Variants in SYNDIG1L observed in about 807,000 individuals in gnomAD.
SYNDIG1L encodes synapse differentiation-inducing gene protein 1-like.
SYNDIG1L carries 13 observed loss-of-function variants against 20.1 expected under a neutral mutation model. That is an observed-to-expected ratio of 0.65 (90% confidence interval 0.42 to 1.03). SYNDIG1L has a LOEUF of 1.03. Ranked by LOEUF, SYNDIG1L falls within the 50% of genes least tolerant of loss-of-function variation. SYNDIG1L has a pLI of 0.00. For synonymous variants in SYNDIG1L, 128 were observed against 129.3 expected (o/e 0.99, Z 0.07); for missense variants, 294 against 305.1 (o/e 0.96, Z 0.27).
intron 1 of SYNDIG1L, among the ~76,000 whole-genome samples, chr14:74,425,190 AAG>A (rs2086255003): frequency 6.8e-6 from 1 of 146,012 alleles, no homozygotes; most frequent in Non-Finnish European, 1.5e-5. Flanking sequence ...TCTTGCCAGA[AAG>A]AGAGAGAACT....
the SYNDIG1L span, chr14:74,476,573 G>A: frequency 1.3e-6 from 2 of 1,535,682 alleles, no homozygotes; most frequent in Non-Finnish European, 1.7e-6. Context: ...GCAGTGAGCA[G>A]AGAACAGGCA....
chr14:74,476,182 G>A, the SYNDIG1L span: 1 of 521,854 alleles, frequency 1.9e-6, no homozygotes, highest in Non-Finnish European at 3.4e-6. Context: ...AGAGGCATAT[G>A]GATGGTTGAG....
chr14:74,435,180 C>T, the SYNDIG1L span, among the ~76,000 whole-genome samples: 40 of 151,628 alleles, frequency 2.6e-4, no homozygotes, highest in Non-Finnish European at 5.7e-4. Flanking sequence ...CCTCCATCCT[C>T]AAGGCTCCAG....
chr14:74,407,498 G>A lies in SYNDIG1L; in HGVS notation c.*37C>T. On this transcript the variant is annotated 3_prime_UTR_variant, in exon 4 of 4. Coordinates refer to ENST00000331628, the MANE Select transcript of SYNDIG1L (RefSeq NM_001105579.2). Reference sequence around the variant, plus strand: ...ACTCCAAGCCCCACTGCTTCCTCAGGTGGGCAGGGGAGTCAGGATGCAGGC... The same window carrying A: ...ACTCCAAGCCCCACTGCTTCCTCAGATGGGCAGGGGAGTCAGGATGCAGGC... 1.2e-6 allele frequency: 2 copies of A among 1,611,678 alleles called. No individual in the cohort carries two copies. Among genetic ancestry groups the A allele is most frequent in the Non-Finnish European group, 1.7e-6 (2 of 1,179,684 alleles).
At chr14:74,434,793 G>A in the SYNDIG1L span, among the ~76,000 whole-genome samples, 8 of 152,004 alleles carry the variant, frequency 5.3e-5, no homozygotes, top group African/African-American at 1.9e-4. Context: ...TCTAGGGGAA[G>A]CTGGCAGGCT....
chr14:74,432,802 C>A, the SYNDIG1L span, among the ~76,000 whole-genome samples: 1 of 151,504 alleles, frequency 6.6e-6, no homozygotes, highest in South Asian at 2.1e-4. Context: ...TGCAGTGAGT[C>A]GAGATTGCAC....
At chr14:74,453,352 CAAAAAAAAAAAAAAAAAAAAAAAAA>C in the SYNDIG1L span, among the ~76,000 whole-genome samples, 1 of 26,760 alleles carries the variant, frequency 3.7e-5, no homozygotes, top group East Asian at 2.3e-3. Context: ...GACTCTGTCT[CAAAAAAAAAAAAAAAAAAAAAAAAA>C]AAAAAAAAAA....
At chr14:74,418,919 C>G (rs2086199081) in intron 1 of SYNDIG1L, among the ~76,000 whole-genome samples, 1 of 152,200 alleles carries the variant, frequency 6.6e-6, no homozygotes. Context: ...GATCACATAG[C>G]TAAACCCTGC....
chr14:74,469,027 A>G, the SYNDIG1L span, among the ~76,000 whole-genome samples: 1 of 152,036 alleles, frequency 6.6e-6, no homozygotes, highest in Non-Finnish European at 1.5e-5. Context: ...CTTGGGGGTC[A>G]TCCTTCCCAA....
chr14:74,432,184 A>AGG, the SYNDIG1L span, among the ~76,000 whole-genome samples: 2 of 99,322 alleles, frequency 2.0e-5, no homozygotes, highest in Admixed American at 9.6e-5. Context: ...TGTGTGTGAG[A>AGG]GAGAGAGAGA....
At chr14:74,440,577 CG>C in the SYNDIG1L span, among the ~76,000 whole-genome samples, 2 of 139,944 alleles carry the variant, frequency 1.4e-5, no homozygotes, top group Non-Finnish European at 3.0e-5. Context: ...CCCAGCTACT[CG>C]GGAGGCTAAG....
chr14:74,441,322 C>T, the SYNDIG1L span, among the ~76,000 whole-genome samples: 1 of 152,158 alleles, frequency 6.6e-6, no homozygotes, highest in Non-Finnish European at 1.5e-5. Context: ...CTGCTTTTGA[C>T]AGATTGAACT....
the SYNDIG1L span, chr14:74,476,389 C>A: frequency 1.3e-6 from 1 of 782,570 alleles, no homozygotes; most frequent in Non-Finnish European, 2.2e-6. Context: ...TGCCTGCTGG[C>A]TGCTTATCTG....
Position 74,407,425 on chromosome 14 carries a change from C to G in SYNDIG1L, c.*110G>C. The G allele has an allele frequency of 6.7e-7, 1 of 1,486,186 alleles. No homozygotes were observed. The highest frequency in any genetic ancestry group is 9.1e-7 in the Non-Finnish European group (1 of 1,094,764). The allele number at this position is 1,486,186 out of a possible 1,614,324, so 92.1% of individuals were successfully genotyped here. On this transcript the variant is annotated 3_prime_UTR_variant, in exon 4 of 4. Transcript: ENST00000331628. ...TGGGGGTCTCCCCCTCAGCAAGCCA[C>G]TCTCACGGGATCATCTTCAGGGGCC...
At chr14:74,428,789 G>A (rs1455349479), upstream of SYNDIG1L, among the ~76,000 whole-genome samples, 3 of 152,156 alleles carry the variant, frequency 2.0e-5, no homozygotes, top group Non-Finnish European at 1.5e-5. Flanking sequence ...AAGAGGTGGT[G>A]AGAACTTGAG....
the SYNDIG1L span, among the ~76,000 whole-genome samples, chr14:74,461,411 T>A: frequency 6.6e-6 from 1 of 152,190 alleles, no homozygotes; most frequent in Non-Finnish European, 1.5e-5. Context: ...TTGGCAGAAA[T>A]TCCATCAATA....
the SYNDIG1L span, among the ~76,000 whole-genome samples, chr14:74,434,808 G>C: frequency 6.6e-6 from 1 of 151,504 alleles, no homozygotes. Flanking sequence ...CAGGCTGGGC[G>C]CGGTGGCTCA....
At chr14:74,428,999 G>A (rs893632970), upstream of SYNDIG1L, among the ~76,000 whole-genome samples, 10 of 152,164 alleles carry the variant, frequency 6.6e-5, no homozygotes, top group African/African-American at 1.9e-4. Context: ...ATGCTGCTTA[G>A]CACCATAGCC....
the SYNDIG1L span, among the ~76,000 whole-genome samples, chr14:74,434,832 A>G: frequency 6.6e-6 from 1 of 151,722 alleles, no homozygotes; most frequent in East Asian, 1.9e-4. Context: ...CTGTAATCCC[A>G]GCACTTTGGG....
Sources: gnomAD v4.1 joint callset for allele counts (sites outside exome capture counted in the v4.1 genomes callset) on GRCh38, gnomAD v4.1.1 for gene constraint, MANE v1.5 for transcripts, NCBI Gene and HGNC (gene_info 2026-07-23, HGNC 2026-07-21) for gene names.